Variants in CLIP2 observed in about 807,000 individuals in gnomAD.
CLIP2 encodes CAP-Gly domain containing linker protein 2.
Under a neutral mutation model 111.7 loss-of-function variants are expected in CLIP2, and 41 were observed. That is an observed-to-expected ratio of 0.37 (90% CI 0.29 to 0.48). CLIP2 has a LOEUF of 0.48. Among genes scored for constraint, CLIP2 ranks in the 20% least tolerant of loss-of-function variants. The probability of loss-of-function intolerance (pLI) is 0.99; values close to 1 mark genes in which losing one functional copy is unlikely to be tolerated. For synonymous variants in CLIP2, 660 were observed against 644.2 expected, an observed-to-expected ratio of 1.02 and a Z score of -0.37; for missense variants, 1,160 against 1,422.1, an observed-to-expected ratio of 0.82 and a Z score of 2.96.
intron 3 of CLIP2, among the ~76,000 whole-genome samples, chr7:74,343,429 G>A (rs1443622440): frequency 1.3e-5 from 2 of 152,044 alleles, no homozygotes; most frequent in Non-Finnish European, 2.9e-5. Flanking sequence ...ACTGGGGGTG[G>A]GTACAGCAGG....
chr7:74,297,176 A>T (rs781940676), intron 1 of CLIP2, among the ~76,000 whole-genome samples: 2 of 152,134 alleles, frequency 1.3e-5, no homozygotes, highest in African/African-American at 4.8e-5. Flanking sequence ...AGCTGTCCCA[A>T]CAAGAGCAGG....
At chr7:74,364,224 C>T (rs1554310333) in intron 7 of CLIP2, 31 bp from the exon 8 acceptor site, 7 of 1,604,832 alleles carry the variant, frequency 4.4e-6, no homozygotes, top group African/African-American at 1.3e-5. Context: ...TGGGCAAAGC[C>T]AGGTCAGCCA....
chr7:74,339,429 C>T (rs1554732932), intron 3 of CLIP2, among the ~76,000 whole-genome samples: 4 of 152,066 alleles, frequency 2.6e-5, no homozygotes, highest in Non-Finnish European at 5.9e-5. Context: ...TCTCACCCTC[C>T]CTAGTAGCTG....
chr7:74,318,349 G>A (rs1788847216), intron 2 of CLIP2, among the ~76,000 whole-genome samples: 1 of 152,052 alleles, frequency 6.6e-6, no homozygotes, highest in South Asian at 2.1e-4. Context: ...AGCTACGGGA[G>A]GGTTTAAACC....
At chr7:74,389,763 G>C (rs1161341039) in intron 13 of CLIP2, among the ~76,000 whole-genome samples, 2 of 151,704 alleles carry the variant, frequency 1.3e-5, no homozygotes, top group African/African-American at 4.8e-5. Context: ...GCTGGGTGTA[G>C]TGGTGTGTGC....
chr7:74,380,973 G>A (rs1790927362), intron 11 of CLIP2, 110 bp downstream of exon 11: 2 of 1,036,136 alleles, frequency 1.9e-6, no homozygotes, highest in Non-Finnish European at 3.0e-6. Context: ...TTTGGTAAGA[G>A]TCACCTCCTG....
At chr7:74,331,865 G>A (rs1434123748) in intron 2 of CLIP2, among the ~76,000 whole-genome samples, 2 of 152,014 alleles carry the variant, frequency 1.3e-5, no homozygotes, top group Admixed American at 6.6e-5. Flanking sequence ...GATCCACCAC[G>A]CCCAGCCGGG....
At chr7:74,388,940 A>G (rs1004318794) in intron 12 of CLIP2, 163 bp from the exon 13 acceptor site, 6 of 751,660 alleles carry the variant, frequency 8.0e-6, no homozygotes, top group Non-Finnish European at 1.3e-5. Context: ...TGGGTGACAG[A>G]GCCAGACCCA....
intron 2 of CLIP2, among the ~76,000 whole-genome samples, chr7:74,329,505 T>G (rs1554731033): frequency 6.6e-6 from 1 of 152,210 alleles, no homozygotes; most frequent in African/African-American, 2.4e-5. Flanking sequence ...CCCTTCACTT[T>G]GTTGAAGTTG....
intron 2 of CLIP2, among the ~76,000 whole-genome samples, chr7:74,324,469 CG>C (rs1221871853): frequency 4.6e-5 from 7 of 152,130 alleles, no homozygotes; most frequent in African/African-American, 1.7e-4. Context: ...TCACATTGCC[CG>C]GTGGTCTGGG....
At chr7:74,293,114 C>G (rs1788072473) in intron 1 of CLIP2, among the ~76,000 whole-genome samples, 1 of 152,170 alleles carries the variant, frequency 6.6e-6, no homozygotes, top group South Asian at 2.1e-4. Context: ...GCAGGGCTGG[C>G]TTTGAGGGTG....
At chr7:74,395,841 GT>G (rs67700782) in intron 13 of CLIP2, among the ~76,000 whole-genome samples, 44,212 of 151,994 alleles carry the variant, frequency 0.29, 6,739 homozygotes, top group Middle Eastern at 0.39. Context: ...AAATCTGGAG[GT>G]AGCTGTGACT....
At chr7:74,357,024 G>A (rs1234727731) in intron 5 of CLIP2, among the ~76,000 whole-genome samples, 1 of 152,124 alleles carries the variant, frequency 6.6e-6, no homozygotes, top group Non-Finnish European at 1.5e-5. Flanking sequence ...AAGTGAGGGA[G>A]TCAGAGGCTC....
At chr7:74,303,293 T>C (rs1030294869) in intron 1 of CLIP2, among the ~76,000 whole-genome samples, 4 of 152,160 alleles carry the variant, frequency 2.6e-5, no homozygotes, top group Non-Finnish European at 5.9e-5. Context: ...GTGGGATGGA[T>C]GGGCAGTGGG....
At chr7:74,331,296 G>A (rs186381619) in intron 2 of CLIP2, among the ~76,000 whole-genome samples, 23 of 150,306 alleles carry the variant, frequency 1.5e-4, no homozygotes, top group African/African-American at 4.4e-4. Context: ...GATTTCTTCC[G>A]TGGAATTGCT....
intron 3 of CLIP2, among the ~76,000 whole-genome samples, chr7:74,349,815 A>G (rs1789929508): frequency 6.6e-6 from 1 of 151,250 alleles, no homozygotes; most frequent in African/African-American, 2.4e-5. Flanking sequence ...GGGTTGCACC[A>G]TGTTGGCCAG....
At chr7:74,312,454 C>T (rs560477271) in intron 1 of CLIP2, among the ~76,000 whole-genome samples, 82 of 152,166 alleles carry the variant, frequency 5.4e-4, no homozygotes, top group Middle Eastern at 3.4e-3. Flanking sequence ...AGCTGAGCCA[C>T]GGGAGCAGGA....
chr7:74,359,582 C>A (rs1474085371), intron 6 of CLIP2, among the ~76,000 whole-genome samples: 1 of 151,724 alleles, frequency 6.6e-6, no homozygotes, highest in Non-Finnish European at 1.5e-5. Context: ...GTCTCAATCT[C>A]CTGACCTTGT....
chr7:74,300,530 A>G (rs1788307316), intron 1 of CLIP2, among the ~76,000 whole-genome samples: 1 of 147,112 alleles, frequency 6.8e-6, no homozygotes, highest in Non-Finnish European at 1.5e-5. Context: ...ATCTCGGCTC[A>G]TTGCAAACTC....
Sources: allele counts gnomAD v4.1 joint callset (sites outside exome capture counted in the v4.1 genomes callset), GRCh38; gene constraint gnomAD v4.1.1; transcripts MANE v1.5; gene names NCBI Gene and HGNC (gene_info 2026-07-23, HGNC 2026-07-21).